Variants in NKX1-1 observed in about 807,000 individuals in gnomAD.
NKX1-1 encodes NK1 homeobox 1, also known as NK1 transcription factor-related protein 1.
Under a neutral mutation model 1.7 loss-of-function variants are expected in NKX1-1, and 7 were observed. The observed-to-expected ratio is 4.22, with a 90% CI of 2.40 to 7.92. The LOEUF (loss-of-function observed/expected upper bound fraction) is 7.92, where lower values mean the gene tolerates loss of function less well. Among genes scored for constraint, NKX1-1 ranks in the 30% most tolerant of loss-of-function variants. NKX1-1 has a pLI of 0.00. For synonymous variants in NKX1-1, 242 were observed against 85.3 expected (o/e 2.84, Z -10.13); for missense variants, 453 against 171.5 (o/e 2.64, Z -9.17).
In NKX1-1 at chr4:1,403,512, G is replaced by T. The variant is rs537696025; in HGVS notation, c.767C>A (p.Ala256Asp). The T allele has an allele frequency of 4.1e-6, 2 of 492,238 alleles. No homozygotes were observed. The highest frequency in any genetic ancestry group is 3.5e-6 in the Non-Finnish European group (1 of 281,994). 30.5% of individuals were successfully genotyped at this position (492,238 alleles called of 1,614,324 possible). A position where few individuals can be genotyped will look rare whatever the true frequency, so the allele number is the denominator to read the frequency against. The change falls in exon 2 of 2, where the codon GCC (alanine) becomes GAC (aspartate). Residue 256 changes from alanine to aspartate, a missense_variant. Physicochemically the swap from Ala to Asp is moderately radical, Grantham distance 126. Coordinates refer to ENST00000422806, the MANE Select transcript of NKX1-1 (RefSeq NM_001290079.1). ...APGPRENSPV[A>D]QGPPGGAAAP... ...CGCTGCACCTCCCGGTGGGCCCTGG[G>T]CAACGGGCGAGTTCTCGCGGGGTCC...
chr4:1,403,841 G>T (rs1467942670), intron 1 of NKX1-1, 26 bp from the exon 2 acceptor site: 1 of 630,484 alleles, frequency 1.6e-6, no homozygotes, highest in Non-Finnish European at 2.8e-6. Flanking sequence ...ACAAGGACAG[G>T]GCAGGGCAGT....
chr4:1,406,211 G>T lies in NKX1-1; in HGVS notation c.232C>A (p.Arg78Ser), dbSNP rs755025105. The T allele has an allele frequency of 3.2e-5, 18 of 567,810 alleles. 1 individual carries two copies. The highest frequency in any genetic ancestry group is 2.5e-4 in the South Asian group (13 of 51,176). 35.2% of individuals were successfully genotyped at this position (567,810 alleles called of 1,614,324 possible). The change falls in exon 1 of 2, where the codon CGC becomes AGC. Residue 78 changes from arginine (R) to serine (S), a missense_variant. Arg to Ser is a moderately radical substitution (Grantham distance 110). Transcript: ENST00000422806. ...TCCAGTACCGAGAAGGAGGTGGGGC[G>T]CAGGGGCGCTGCGGGCCGGGCCGCT... ...AGAARPAAPLRPTSFSVLDIL... is the reference protein window; with the variant it reads ...AGAARPAAPLSPTSFSVLDIL...
intron 1 of NKX1-1, among the ~76,000 whole-genome samples, 160 bp downstream of exon 1, chr4:1,405,820 A>G (rs1478110945): frequency 6.6e-6 from 1 of 152,236 alleles, no homozygotes; most frequent in Non-Finnish European, 1.5e-5. Flanking sequence ...GGTCGGATGG[A>G]GGCCACGGGT....
rs1720682151 is a variant in NKX1-1, at chr4:1,403,158, G to A, written c.1121C>T (p.Ala374Val). 1 of 577,364 alleles carries A rather than the reference G, an allele frequency of 1.7e-6. No individual in the cohort carries two copies. The highest frequency in any genetic ancestry group is 1.9e-5 in the South Asian group (1 of 51,796). 35.8% of individuals were successfully genotyped at this position (577,364 alleles called of 1,614,324 possible). A position where few individuals can be genotyped will look rare whatever the true frequency, so the allele number is the denominator to read the frequency against. Residue 374 changes from alanine to valine, a missense_variant, in exon 2 of 2, where the codon GCC becomes GTC. Transcript: ENST00000422806. The stretch of plus-strand genomic sequence containing the variant: ...GCCGGGCAGCCCCGTGCCAGGCCCG[G>A]CCCCCGGTCCCGGTCCGCCCCCGCC... ...TGGGGGPGPGAGPGTGLPGGL... is the reference protein window; with the variant it reads ...TGGGGGPGPGVGPGTGLPGGL...
chr4:1,403,735 G>A lies in NKX1-1; in HGVS notation c.544C>T (p.Pro182Ser), dbSNP rs1169550249. 2 of 687,084 alleles carry A rather than the reference G, an allele frequency of 2.9e-6. No individual in the cohort carries two copies. Among genetic ancestry groups the A allele is most frequent in the African/African-American group, 3.7e-5 (2 of 54,432 alleles). 42.6% of individuals were successfully genotyped at this position (687,084 alleles called of 1,614,324 possible). A position where few individuals can be genotyped will look rare whatever the true frequency, so the allele number is the denominator to read the frequency against. The change falls in exon 2 of 2, where the codon CCG becomes TCG. Residue 182 changes from proline to serine, a missense_variant. Physicochemically the swap from Pro to Ser is moderately conservative, Grantham distance 74. Coordinates refer to ENST00000422806, the MANE Select transcript of NKX1-1 (RefSeq NM_001290079.1). Reference sequence around the variant, plus strand: ...ACCTCGTCCCCGCTGTCCGCGCTCGGGCTGTGGCCGCCGCCGCCGCTGCTG... The same window carrying A: ...ACCTCGTCCCCGCTGTCCGCGCTCGAGCTGTGGCCGCCGCCGCCGCTGCTG... ...GYSSGGGGHS[P>S]SADSGDEVPD...
At chr4:1,405,477 C>T (rs776214689) in intron 1 of NKX1-1, among the ~76,000 whole-genome samples, 157 of 152,360 alleles carry the variant, frequency 1.0e-3, no homozygotes, top group Non-Finnish European at 1.7e-3. Context: ...CGCTTTCCGC[C>T]GCTAAGCACA....
In NKX1-1 at chr4:1,403,270, C is replaced by G; in HGVS notation, c.1009G>C (p.Glu337Gln). The change falls in exon 2 of 2, where the codon GAG becomes CAG. Residue 337 changes from glutamate (E) to glutamine (Q), a missense_variant. By Grantham distance (29) the Glu-to-Gln change is conservative. Coordinates refer to ENST00000422806, the MANE Select transcript of NKX1-1 (RefSeq NM_001290079.1). ...LNLALSLSLT[E>Q]TQVKIWFQNR... ...TGGAACCAGATCTTCACCTGCGTCTCGGTGAGGCTGAGCGACAGCGCCAGG... is the reference window on the plus strand; with the variant it reads ...TGGAACCAGATCTTCACCTGCGTCTGGGTGAGGCTGAGCGACAGCGCCAGG... The G allele has an allele frequency of 2.7e-6, 2 of 736,626 alleles. No individual in the cohort carries two copies. Among genetic ancestry groups the G allele is most frequent in the Non-Finnish European group, 5.0e-6 (2 of 397,806 alleles). The allele number at this position is 736,626 out of a possible 1,614,324, so 45.6% of individuals were successfully genotyped here. A position where few individuals can be genotyped will look rare whatever the true frequency, so the allele number is the denominator to read the frequency against.
chr4:1,405,021 C>G (rs1017715512), intron 1 of NKX1-1, among the ~76,000 whole-genome samples: 2 of 152,254 alleles, frequency 1.3e-5, no homozygotes, highest in African/African-American at 4.8e-5. Flanking sequence ...GGCCTTCCGC[C>G]CCATAGACTC....
At chr4:1,405,134 C>T (rs1265128276) in intron 1 of NKX1-1, among the ~76,000 whole-genome samples, 1 of 152,230 alleles carries the variant, frequency 6.6e-6, no homozygotes, top group Non-Finnish European at 1.5e-5. Flanking sequence ...CGGAAGAGGC[C>T]CCGCGCAGGT....
At chr4:1,404,243 G>C (rs1262313636) in intron 1 of NKX1-1, among the ~76,000 whole-genome samples, 1 of 152,258 alleles carries the variant, frequency 6.6e-6, no homozygotes, top group Non-Finnish European at 1.5e-5. Context: ...AACTAGTTAA[G>C]GCCATTTAAT....
At position 1,406,094 on chromosome 4, in the gene NKX1-1, C is replaced by A. The variant is rs763467299; in HGVS notation, c.349G>T (p.Ala117Ser). 1 of 555,540 alleles carries A rather than the reference C, an allele frequency of 1.8e-6. No individual in the cohort carries two copies. Among genetic ancestry groups the A allele is most frequent in the South Asian group, 2.2e-5 (1 of 46,114 alleles). 34.4% of individuals were successfully genotyped at this position (555,540 alleles called of 1,614,324 possible). A position where few individuals can be genotyped will look rare whatever the true frequency, so the allele number is the denominator to read the frequency against. Residue 117 changes from alanine to serine, a missense_variant, in exon 1 of 2, where the codon GCC becomes TCC. Transcript: ENST00000422806. ...APAACAPCAS[A>S]PCAPAPAASG... ...GCGGCGGGTGCAGGGGCGCATGGGG[C>A]CGAAGCGCAAGGGGCGCACGCAGCG...
At chr4:1,404,505 C>T (rs930764989) in intron 1 of NKX1-1, among the ~76,000 whole-genome samples, 9 of 152,212 alleles carry the variant, frequency 5.9e-5, no homozygotes, top group Non-Finnish European at 1.3e-4. Context: ...GGGCCCTGCT[C>T]GGCCTCACCA....
Position 1,406,311 on chromosome 4 carries a change from C to T in NKX1-1, c.132G>A (p.Leu44=). 2.5e-6 allele frequency: 1 copy of T among 395,920 alleles called. No homozygotes were observed. Among genetic ancestry groups the T allele is most frequent in the Non-Finnish European group, 4.4e-6 (1 of 226,528 alleles). 24.5% of individuals were successfully genotyped at this position (395,920 alleles called of 1,614,324 possible). ...AQEAMDGRAE[L]PAFPRAGAPP... ...GGGCTCCAGCGCGGGGAAAGGCCGGCAGCTCGGCGCGCCCGTCCATAGCTT... is the reference window on the plus strand; with the variant it reads ...GGGCTCCAGCGCGGGGAAAGGCCGGTAGCTCGGCGCGCCCGTCCATAGCTT... The change falls in exon 1 of 2, where the codon CTG becomes CTA. Residue 44 remains leucine (L), a synonymous_variant. Coordinates refer to ENST00000422806, the MANE Select transcript of NKX1-1 (RefSeq NM_001290079.1).
Position 1,406,080 on chromosome 4 carries a change from A to G in NKX1-1, c.363T>C (p.Pro121=). 1 of 528,674 alleles carries G rather than the reference A, an allele frequency of 1.9e-6. No individual in the cohort carries two copies. The highest frequency in any genetic ancestry group is 3.4e-4 in the Middle Eastern group (1 of 2,966). The allele number at this position is 528,674 out of a possible 1,614,324, so 32.7% of individuals were successfully genotyped here. A position where few individuals can be genotyped will look rare whatever the true frequency, so the allele number is the denominator to read the frequency against. ...GCGGGCGTCCCGAGGCGGCGGGTGC[A>G]GGGGCGCATGGGGCCGAAGCGCAAG... The part of the protein sequence containing the change: ...CAPCASAPCA[P]APAASGRPPR... The change falls in exon 1 of 2, where the codon CCT becomes CCC. Residue 121 remains proline, a synonymous_variant. Coordinates refer to ENST00000422806, the MANE Select transcript of NKX1-1 (RefSeq NM_001290079.1).
At chr4:1,405,127 A>C (rs1720727317) in intron 1 of NKX1-1, among the ~76,000 whole-genome samples, 1 of 152,134 alleles carries the variant, frequency 6.6e-6, no homozygotes, top group Non-Finnish European at 1.5e-5. Flanking sequence ...GCCGACCCGG[A>C]AGAGGCCCCG....
In NKX1-1 at chr4:1,403,036, A is replaced by T; in HGVS notation, c.1243T>A (p.Cys415Ser). 1 of 591,394 alleles carries T rather than the reference A, an allele frequency of 1.7e-6. No individual in the cohort carries two copies. Among genetic ancestry groups the T allele is most frequent in the Non-Finnish European group, 3.0e-6 (1 of 334,980 alleles). 36.6% of individuals were successfully genotyped at this position (591,394 alleles called of 1,614,324 possible). Residue 415 changes from cysteine (C) to serine (S), a missense_variant, in exon 2 of 2, where the codon TGC (cysteine) becomes AGC (serine). Cys to Ser is a moderately radical substitution (Grantham distance 112). Transcript: ENST00000422806. ...GACAGGAACGGCAGCTGCGCGGCGCACACCAGGCCTCCGGGGCCGTGCGCC... is the reference window on the plus strand; with the variant it reads ...GACAGGAACGGCAGCTGCGCGGCGCTCACCAGGCCTCCGGGGCCGTGCGCC... ...YPAHGPGGLVCAAQLPFLSSP... is the reference protein window; with the variant it reads ...YPAHGPGGLVSAAQLPFLSSP...
chr4:1,403,186 C>A lies in NKX1-1; in HGVS notation c.1093G>T (p.Gly365Cys). The A allele has an allele frequency of 3.1e-6, 2 of 653,164 alleles. No individual in the cohort carries two copies. The highest frequency in any genetic ancestry group is 3.2e-5 in the South Asian group (2 of 61,738). 40.5% of individuals were successfully genotyped at this position (653,164 alleles called of 1,614,324 possible). A position where few individuals can be genotyped will look rare whatever the true frequency, so the allele number is the denominator to read the frequency against. Residue 365 changes from glycine (G) to cysteine (C), a missense_variant, in exon 2 of 2, where the codon GGC becomes TGC. Gly to Cys is a radical substitution (Grantham distance 159). Transcript: ENST00000422806. ...NPGADTSAPTGGGGGPGPGAG... is the reference protein window; with the variant it reads ...NPGADTSAPTCGGGGPGPGAG... The stretch of plus-strand genomic sequence containing the variant: ...CCCGGTCCCGGTCCGCCCCCGCCGC[C>A]GGTCGGAGCGCTGGTGTCGGCGCCC...
intron 1 of NKX1-1, among the ~76,000 whole-genome samples, chr4:1,405,684 A>G (rs1450626054): frequency 6.6e-6 from 1 of 152,126 alleles, no homozygotes; most frequent in Non-Finnish European, 1.5e-5. Context: ...CTCCTGCACC[A>G]ACTACCCTTC....
chr4:1,403,842 G>T, intron 1 of NKX1-1, 27 bp from the exon 2 acceptor site: 1 of 630,076 alleles, frequency 1.6e-6, no homozygotes, highest in South Asian at 1.7e-5. Context: ...CAAGGACAGG[G>T]CAGGGCAGTT....
Sources: gnomAD v4.1 joint callset for allele counts (sites outside exome capture counted in the v4.1 genomes callset) on GRCh38, gnomAD v4.1.1 for gene constraint, MANE v1.5 for transcripts, NCBI Gene and HGNC (gene_info 2026-07-23, HGNC 2026-07-21) for gene names.